Variants in PDE11A observed in about 807,000 individuals in gnomAD.
The protein encoded by PDE11A is phosphodiesterase 11A.
In PDE11A, 100 loss-of-function variants were observed where a neutral mutation model predicts 100.5. That is an observed-to-expected ratio of 1.00 (90% confidence interval 0.85 to 1.18). The LOEUF (loss-of-function observed/expected upper bound fraction) is 1.18. PDE11A is among the 50% of genes most tolerant of loss of function. PDE11A has a pLI of 0.00. For synonymous variants in PDE11A, 381 were observed against 420.8 expected, an observed-to-expected ratio of 0.91 and a Z score of 1.16; for missense variants, 1,141 against 1,152.6, an observed-to-expected ratio of 0.99 and a Z score of 0.15.
intron 10 of PDE11A, among the ~76,000 whole-genome samples, chr2:177,757,717 G>A (rs1305829939): frequency 6.6e-6 from 1 of 152,094 alleles, no homozygotes; most frequent in Non-Finnish European, 1.5e-5. Flanking sequence ...AGTACCTGTG[G>A]ATGCTGCTCT....
At chr2:177,738,248 C>G (rs1273008317) in intron 10 of PDE11A, among the ~76,000 whole-genome samples, 3 of 152,136 alleles carry the variant, frequency 2.0e-5, no homozygotes, top group Non-Finnish European at 4.4e-5. Context: ...CTGGGTGACT[C>G]TGAGGTTAGC....
intron 1 of PDE11A, among the ~76,000 whole-genome samples, chr2:178,066,782 G>A (rs916356041): frequency 6.6e-6 from 1 of 152,186 alleles, no homozygotes; most frequent in African/African-American, 2.4e-5. Context: ...ATTCAGCGGG[G>A]GCCCCTTGCC....
chr2:177,927,358 T>A (rs1394711315), intron 2 of PDE11A, among the ~76,000 whole-genome samples: 1 of 152,238 alleles, frequency 6.6e-6, no homozygotes, highest in Non-Finnish European at 1.5e-5. Flanking sequence ...AAATACTTCC[T>A]AAATGTCCAA....
At chr2:177,739,136 T>C (rs1050974381) in intron 10 of PDE11A, among the ~76,000 whole-genome samples, 20 of 152,192 alleles carry the variant, frequency 1.3e-4, no homozygotes, top group Admixed American at 3.9e-4. Flanking sequence ...AGAACAATGT[T>C]AGAGGGCAAA....
chr2:177,695,061 A>T (rs2081090331), intron 15 of PDE11A, among the ~76,000 whole-genome samples: 1 of 145,956 alleles, frequency 6.9e-6, no homozygotes, highest in African/African-American at 2.5e-5. Context: ...ATGTTCTGTG[A>T]TTCTTGGTTT....
intron 2 of PDE11A, among the ~76,000 whole-genome samples, chr2:177,913,146 A>G (rs1333067429): frequency 6.6e-6 from 1 of 152,226 alleles, no homozygotes; most frequent in African/African-American, 2.4e-5. Context: ...ATTACCATAA[A>G]TACTCTGTTC....
At chr2:178,047,191 G>T (rs910285575) in intron 1 of PDE11A, among the ~76,000 whole-genome samples, 1 of 152,118 alleles carries the variant, frequency 6.6e-6, no homozygotes, top group East Asian at 1.9e-4. Flanking sequence ...GCCGGGCATG[G>T]TGGCTCATGC....
intron 4 of PDE11A, among the ~76,000 whole-genome samples, chr2:177,878,911 A>G (rs2084285343): frequency 6.6e-6 from 1 of 152,224 alleles, no homozygotes; most frequent in Admixed American, 6.5e-5. Context: ...TTGAGTAAAC[A>G]CAGACTAAAA....
rs1006835601 is a variant in PDE11A, at chr2:177,692,113, G to A, written c.2345+5219C>T. Among the ~76,000 whole-genome samples the A allele has an allele frequency of 3.3e-5, 5 of 152,028 alleles. No homozygotes were observed. The East Asian group carries it at 7.7e-4, about 23-fold the overall frequency. On this transcript the variant is annotated intron_variant, in intron 15 of 19. Transcript: ENST00000286063. Reference sequence around the variant, plus strand: ...TTCTTTTAGGTTGACATTAATAATAGTACCTATTTTAATAGGACTGCTTTC... The same window carrying A: ...TTCTTTTAGGTTGACATTAATAATAATACCTATTTTAATAGGACTGCTTTC...
At chr2:177,955,002 T>C (rs2085544685) in intron 2 of PDE11A, among the ~76,000 whole-genome samples, 1 of 152,158 alleles carries the variant, frequency 6.6e-6, no homozygotes, top group African/African-American at 2.4e-5. Flanking sequence ...ACCTACCACA[T>C]CAGGACCAGT....
At chr2:178,101,755 A>C (rs1047926213) in intron 2 of PDE11A, among the ~76,000 whole-genome samples, 3 of 152,168 alleles carry the variant, frequency 2.0e-5, no homozygotes, top group African/African-American at 7.2e-5. Context: ...CCTTGCCAGG[A>C]ACCCAGGACA....
At chr2:177,659,471 C>T (rs1369899197) in intron 19 of PDE11A, among the ~76,000 whole-genome samples, 1 of 152,070 alleles carries the variant, frequency 6.6e-6, no homozygotes, top group Non-Finnish European at 1.5e-5. Flanking sequence ...TTTGCATTAT[C>T]TGTGAGAAAA....
At chr2:178,050,391 G>A (rs985218983) in intron 1 of PDE11A, among the ~76,000 whole-genome samples, 1 of 152,184 alleles carries the variant, frequency 6.6e-6, no homozygotes, top group Admixed American at 6.5e-5. Context: ...AAACCACAAA[G>A]ACGGGGAGAA....
rs534791336 is a variant in PDE11A at position 177,902,233 on chromosome 2, T to G, written c.1161+2865A>C. On this transcript the variant is annotated intron_variant, in intron 3 of 19. Coordinates refer to ENST00000286063, the MANE Select transcript of PDE11A (RefSeq NM_016953.4). ...CCCCACCCTAACTGATACGATATATTCTCCCCCGCCCTTAAGAAGGTACTT... is the reference window on the plus strand; with the variant it reads ...CCCCACCCTAACTGATACGATATATGCTCCCCCGCCCTTAAGAAGGTACTT... 9.8e-4 allele frequency among the ~76,000 whole-genome samples: 149 copies of G among 152,114 alleles called. 1 individual carries two copies. The highest frequency in any genetic ancestry group is 3.6e-3 in the African/African-American group (149 of 41,474).
At chr2:177,841,320 G>A (rs35873373) in intron 5 of PDE11A, among the ~76,000 whole-genome samples, 31,602 of 152,082 alleles carry the variant, frequency 0.21, 3,369 homozygotes, top group Middle Eastern at 0.26. Flanking sequence ...CTGATTTGTC[G>A]CTTGGCAAGT....
At chr2:178,009,440 A>C (rs2086249713) in intron 2 of PDE11A, among the ~76,000 whole-genome samples, 1 of 152,238 alleles carries the variant, frequency 6.6e-6, no homozygotes, top group South Asian at 2.1e-4. Context: ...TAATATGTGA[A>C]TATAGTAGGC....
intron 1 of PDE11A, among the ~76,000 whole-genome samples, chr2:178,047,023 C>T (rs2086759869): frequency 6.6e-6 from 1 of 151,556 alleles, no homozygotes; most frequent in Non-Finnish European, 1.5e-5. Flanking sequence ...AATAATTATG[C>T]AGAAAAACTT....
At chr2:177,898,320 A>T (rs1185104594) in intron 3 of PDE11A, 122 bp from the exon 4 acceptor site, 4 of 690,164 alleles carry the variant, frequency 5.8e-6, no homozygotes, top group African/African-American at 1.8e-5. Context: ...AGCTAATTTT[A>T]AAAAATTTTA....
chr2:177,861,636 CA>C (rs1205177341), intron 5 of PDE11A, among the ~76,000 whole-genome samples: 6 of 151,890 alleles, frequency 4.0e-5, no homozygotes, highest in Admixed American at 6.6e-5. Context: ...AGATGAAAAA[CA>C]AAAAGTCAAA....
Sources: gnomAD v4.1 joint callset for allele counts (sites outside exome capture counted in the v4.1 genomes callset) on GRCh38, gnomAD v4.1.1 for gene constraint, MANE v1.5 for transcripts, NCBI Gene and HGNC (gene_info 2026-07-23, HGNC 2026-07-21) for gene names.